The following ATAD2B variants were observed in gnomAD, a reference collection of about 807,000 sequenced individuals.
ATAD2B encodes the protein ATPase family AAA domain-containing protein 2B.
Under a neutral mutation model 167.6 loss-of-function variants are expected in ATAD2B, and 40 were observed. That is an observed-to-expected ratio of 0.24 (90% CI 0.19 to 0.31). The LOEUF is 0.31. ATAD2B is among the 10% of genes least tolerant of loss of function. The pLI, the probability that ATAD2B is intolerant of heterozygous loss-of-function variation, is 1.00. For missense variants in ATAD2B, 1,242 were observed against 1,757.2 expected (o/e 0.71, Z 5.24); for synonymous variants, 579 against 596.5 (o/e 0.97, Z 0.43).
intron 21 of ATAD2B, among the ~76,000 whole-genome samples, chr2:23,785,306 CTATAAG>C (rs1435112648): frequency 1.3e-5 from 2 of 152,004 alleles, no homozygotes; most frequent in Non-Finnish European, 2.9e-5. Context: ...GGAGTCTGAA[CTATAAG>C]AAAGAGGCCA....
chr2:23,829,296 T>C (rs1283384058), intron 14 of ATAD2B, among the ~76,000 whole-genome samples: 1 of 152,196 alleles, frequency 6.6e-6, no homozygotes, highest in African/African-American at 2.4e-5. Context: ...TATTTGAAAA[T>C]ATATGAACAA....
intron 22 of ATAD2B, among the ~76,000 whole-genome samples, chr2:23,776,591 GT>G (rs372490172): frequency 5.3e-5 from 8 of 152,138 alleles, no homozygotes; most frequent in South Asian, 2.1e-4. Context: ...CTCCAGACTT[GT>G]TTTTTTCATA....
Position 23,887,835 on chromosome 2 carries a change from T to C in ATAD2B, c.569A>G (p.Asn190Ser). 1 of 1,596,204 alleles carries C rather than the reference T, an allele frequency of 6.3e-7. No individual in the cohort carries two copies. The highest frequency in any genetic ancestry group is 8.5e-7 in the Non-Finnish European group (1 of 1,173,486). The change falls in exon 4 of 28, where the codon AAT (asparagine) becomes AGT (serine). Residue 190 changes from asparagine to serine, a missense_variant. Transcript: ENST00000238789. The part of the protein sequence containing the change: ...NQSLLFDQLV[N>S]STAEAVLQEM... ...GCTTAATACTTGGCATTCATACCTA[T>C]TTACTAGTTGATCAAATAACAAACT...
At chr2:23,786,610 G>A (rs555943925) in intron 20 of ATAD2B, among the ~76,000 whole-genome samples, 2 of 152,048 alleles carry the variant, frequency 1.3e-5, no homozygotes, top group African/African-American at 2.4e-5. Flanking sequence ...GGCCACCATC[G>A]TATATGCAGT....
At chr2:23,915,219 T>C (rs116102732) in intron 1 of ATAD2B, among the ~76,000 whole-genome samples, 1,893 of 152,228 alleles carry the variant, frequency 0.012, 37 homozygotes, top group African/African-American at 0.043. Context: ...TAAATATCAC[T>C]TATGAAAACT....
At chr2:23,775,065 G>C (rs1467907930) in intron 22 of ATAD2B, among the ~76,000 whole-genome samples, 1 of 151,962 alleles carries the variant, frequency 6.6e-6, no homozygotes, top group Non-Finnish European at 1.5e-5. Context: ...ATAACTATGG[G>C]CAAAAAAGTA....
chr2:23,778,248 T>A (rs1466031290), intron 22 of ATAD2B, among the ~76,000 whole-genome samples: 1 of 152,232 alleles, frequency 6.6e-6, no homozygotes, highest in Non-Finnish European at 1.5e-5. Flanking sequence ...AGCCATATTC[T>A]TTCATTGTGG....
intron 10 of ATAD2B, 143 bp downstream of exon 10, chr2:23,867,692 G>C: frequency 1.7e-6 from 1 of 586,244 alleles, no homozygotes; most frequent in Non-Finnish European, 3.0e-6. Flanking sequence ...TTGTGGCTAG[G>C]GTTCTTAGGT....
chr2:23,702,570 C>T, the ATAD2B span, among the ~76,000 whole-genome samples: 1 of 152,200 alleles, frequency 6.6e-6, no homozygotes, highest in Admixed American at 6.5e-5. Context: ...TTCCCATCCA[C>T]CTAGCTAGTA....
chr2:23,844,501 C>T (rs1691427371), intron 13 of ATAD2B, among the ~76,000 whole-genome samples: 2 of 120,664 alleles, frequency 1.7e-5, no homozygotes, highest in Non-Finnish European at 3.8e-5. Context: ...ATTAGAATTG[C>T]CAAAGGCATT....
At chr2:23,718,456 G>C in the ATAD2B span, among the ~76,000 whole-genome samples, 6 of 152,262 alleles carry the variant, frequency 3.9e-5, no homozygotes, top group South Asian at 1.2e-3. Context: ...TAAGGAGCTG[G>C]AGAAAGCGGT....
chr2:23,720,587 A>G, the ATAD2B span, among the ~76,000 whole-genome samples: 2 of 151,014 alleles, frequency 1.3e-5, no homozygotes, highest in African/African-American at 4.9e-5. Flanking sequence ...TCAAAAAAAA[A>G]AAAAAAAGTT....
chr2:23,679,816 A>G, the ATAD2B span, among the ~76,000 whole-genome samples: 3 of 152,310 alleles, frequency 2.0e-5, no homozygotes, highest in South Asian at 6.2e-4. Context: ...GGAGGCAAAG[A>G]GGCCCAGGAC....
intron 17 of ATAD2B, among the ~76,000 whole-genome samples, chr2:23,815,437 T>C (rs550261272): frequency 6.6e-6 from 1 of 152,198 alleles, no homozygotes; most frequent in African/African-American, 2.4e-5. Flanking sequence ...TGATGGCTCA[T>C]AGGAGTCACA....
chr2:23,690,107 A>G, the ATAD2B span: 1 of 151,642 alleles, frequency 6.6e-6, no homozygotes, highest in South Asian at 2.1e-4. Context: ...GCAGGATTGC[A>G]CCTCCCCCTC....
chr2:23,764,371 A>G (rs952063602), intron 23 of ATAD2B, among the ~76,000 whole-genome samples: 1 of 152,196 alleles, frequency 6.6e-6, no homozygotes, highest in Non-Finnish European at 1.5e-5. Context: ...AGTTTGTTCA[A>G]ATAAAGATTT....
chr2:23,854,592 C>T (rs1255388717), intron 13 of ATAD2B, among the ~76,000 whole-genome samples: 1 of 151,516 alleles, frequency 6.6e-6, no homozygotes, highest in East Asian at 2.0e-4. Context: ...GCAGGAGAAT[C>T]GCTTGAACCT....
At chr2:23,878,062 C>CATTAAAATT (rs901159428) in intron 7 of ATAD2B, among the ~76,000 whole-genome samples, 6 of 102,512 alleles carry the variant, frequency 5.9e-5, no homozygotes, top group African/African-American at 2.0e-4. Context: ...AATTGGAGTT[C>CATTAAAATT]ATTAAAATTA....
the ATAD2B span, among the ~76,000 whole-genome samples, chr2:23,694,715 G>A: frequency 6.5e-4 from 99 of 152,128 alleles, no homozygotes; most frequent in African/African-American, 2.2e-3. Flanking sequence ...ACTCTCTGAC[G>A]CCTCTACACG....
Sources: gnomAD v4.1 joint callset for allele counts (sites outside exome capture counted in the v4.1 genomes callset) on GRCh38, gnomAD v4.1.1 for gene constraint, MANE v1.5 for transcripts, NCBI Gene and HGNC (gene_info 2026-07-23, HGNC 2026-07-21) for gene names.